PDXK: variants seen among roughly 807,000 people sequenced by gnomAD.
PDXK encodes epididymis secretory sperm binding protein Li 1a.
In PDXK, 15 loss-of-function variants were observed where a neutral mutation model predicts 43.2. That is an observed-to-expected ratio of 0.35 (90% CI 0.23 to 0.53). The LOEUF is 0.53. PDXK is among the 20% of genes least tolerant of loss of function. The pLI is 0.92. For missense variants in PDXK, 343 were observed against 417.0 expected, an observed-to-expected ratio of 0.82 and a Z score of 1.54; for synonymous variants, 172 against 165.4, an observed-to-expected ratio of 1.04 and a Z score of -0.31.
In PDXK at chr21:43,741,679, G is replaced by A. The variant is rs1368743180; in HGVS notation, c.155G>A (p.Trp52Ter). 2 of 1,612,496 alleles carry A rather than the reference G, an allele frequency of 1.2e-6. No homozygotes were observed. The highest frequency in any genetic ancestry group is 1.7e-5 in the Admixed American group (1 of 59,940). Residue 52 changes from tryptophan (W) to a stop codon, truncating the protein, a stop_gained, in exon 3 of 11, where the codon TGG (tryptophan) becomes TAG (stop). Coordinates refer to ENST00000291565, the MANE Select transcript of PDXK (RefSeq NM_003681.5). LOFTEE classifies it high-confidence loss of function. ...CCTCTGCCTCTAGGCTATGCCCACT[G>A]GAAGGGCCAAGTGCTGAATTCAGAT... ...QFSNHTGYAHWKGQVLNSDEL... is the reference protein window; with the variant it reads ...QFSNHTGYAH
Position 43,761,255 on chromosome 21 carries a change from C to A in PDXK, c.*5192C>A, listed in dbSNP as rs898998872. ...GGGAACAGCACCCCCAAATGCCAGC[C>A]TCTCCTTTCTTCCCATCCACCAGTA... On this transcript the variant is annotated 3_prime_UTR_variant, in exon 11 of 11. Coordinates refer to ENST00000291565, the MANE Select transcript of PDXK (RefSeq NM_003681.5). 6.6e-6 allele frequency: 1 copy of A among 152,272 alleles called. No homozygotes were observed. Among genetic ancestry groups the A allele is most frequent in the African/African-American group, 2.4e-5 (1 of 41,442 alleles). The allele number at this position is 152,272 out of a possible 1,614,324, so 9.4% of individuals were successfully genotyped here.
rs1405347692 is a variant in PDXK at position 43,723,194 on chromosome 21, G to A, written c.87+3813G>A. Among the ~76,000 whole-genome samples, 2 of 144,690 alleles carry A rather than the reference G, an allele frequency of 1.4e-5. No homozygotes were observed. Among genetic ancestry groups the A allele is most frequent in the African/African-American group, 5.2e-5 (2 of 38,438 alleles). 94.9% of individuals were successfully genotyped at this position (144,690 alleles called of 152,430 possible). The stretch of plus-strand genomic sequence containing the variant: ...TTTGAGACGAGGGTCTCACTCTGTC[G>A]CTCAGGCTGAAGTACAATGGAGCGA... On this transcript the variant is annotated intron_variant, in intron 1 of 10. Coordinates refer to ENST00000291565, the MANE Select transcript of PDXK (RefSeq NM_003681.5). This position sits in a 1 kb window ranked among gnomAD's most constrained non-coding sequence, Gnocchi z 4.1.
intron 4 of PDXK, 89 bp downstream of exon 4, chr21:43,743,896 C>A: frequency 1.2e-6 from 1 of 834,696 alleles, no homozygotes; most frequent in Non-Finnish European, 2.0e-6. Flanking sequence ...TCTTAGCCTC[C>A]TTCCTCCTCT....
rs117861720 is a variant in PDXK at position 43,746,110 on chromosome 21, C to T, written c.363C>T (p.Asp121=). 2.4e-5 allele frequency: 38 copies of T among 1,613,290 alleles called. No homozygotes were observed. The highest frequency in any genetic ancestry group is 9.3e-5 in the African/African-American group (7 of 74,992). ...VCDPVLGDKW[D]GEGSMYVPED... ...ATCCAGTCTTGGGTGACAAGTGGGA[C>T]GGCGAAGGCTCGATGGTGAGTAGTT... The change falls in exon 5 of 11, where the codon GAC becomes GAT. Residue 121 remains aspartate, a synonymous_variant. Coordinates refer to ENST00000291565, the MANE Select transcript of PDXK (RefSeq NM_003681.5).
intron 1 of PDXK, among the ~76,000 whole-genome samples, chr21:43,726,945 G>A (rs569746017): frequency 3.9e-5 from 6 of 152,054 alleles, no homozygotes; most frequent in Non-Finnish European, 8.8e-5. Context: ...TGTGCATGGC[G>A]TGTGTGCACA....
chr21:43,724,928 G>A (rs566074517), intron 1 of PDXK, among the ~76,000 whole-genome samples: 1 of 152,124 alleles, frequency 6.6e-6, no homozygotes, highest in East Asian at 1.9e-4. Flanking sequence ...GATGCACTAG[G>A]TAGACCCTGT....
chr21:43,722,578 T>C (rs1379557641), intron 1 of PDXK, among the ~76,000 whole-genome samples: 1 of 152,048 alleles, frequency 6.6e-6, no homozygotes, highest in Non-Finnish European at 1.5e-5. Flanking sequence ...CCTCTCATAG[T>C]CTGGGGGCCA....
chr21:43,744,422 G>A (rs1388497919), intron 4 of PDXK: 2 of 159,590 alleles, frequency 1.3e-5, no homozygotes. Context: ...CAGGAGGACA[G>A]GCCTGGCCTA....
chr21:43,748,722 TCTC>T (rs1020019918), intron 5 of PDXK, among the ~76,000 whole-genome samples: 1 of 151,828 alleles, frequency 6.6e-6, no homozygotes, highest in Non-Finnish European at 1.5e-5. Flanking sequence ...TTCACCTCCT[TCTC>T]CTCCCAGACA....
Position 43,719,350 on chromosome 21 carries a change from T to G in PDXK, c.56T>G (p.Val19Gly). The G allele has an allele frequency of 6.6e-7, 1 of 1,526,604 alleles. No individual in the cohort carries two copies. The highest frequency in any genetic ancestry group is 8.8e-7 in the Non-Finnish European group (1 of 1,138,234). The allele number at this position is 1,526,604 out of a possible 1,614,324, so 94.6% of individuals were successfully genotyped here. Residue 19 changes from valine (V) to glycine (G), a missense_variant, in exon 1 of 11, where the codon GTG becomes GGG. Transcript: ENST00000291565. The part of the protein sequence containing the change: ...SIQSHVIRGY[V>G]GNRAATFPLQ... ...CAGAGCCACGTCATCCGCGGCTACG[T>G]GGGCAACCGGGCGGCCACGTTCCCG...
Position 43,752,615 on chromosome 21 carries a change from G to C in PDXK, c.608G>C (p.Gly203Ala). Residue 203 changes from glycine (G) to alanine (A), a missense_variant, in exon 8 of 11, where the codon GGG (glycine) becomes GCG (alanine). Physicochemically the swap from Gly to Ala is moderately conservative, Grantham distance 60. Coordinates refer to ENST00000291565, the MANE Select transcript of PDXK (RefSeq NM_003681.5). Reference protein sequence around the residue: ...PQGSNYLIVLGSQRRRNPAGS... With the variant: ...PQGSNYLIVLASQRRRNPAGS... ...GGCAGCAACTACCTGATTGTGCTGG[G>C]GAGTCAGAGGAGGAGTAAGTGCCCC... The C allele has an allele frequency of 1.2e-6, 2 of 1,607,864 alleles. No homozygotes were observed. The highest frequency in any genetic ancestry group is 1.7e-6 in the Non-Finnish European group (2 of 1,175,004).
chr21:43,733,253 A>ACCCCCCCCCCCCCCCCCCC (rs1226314950), intron 1 of PDXK, among the ~76,000 whole-genome samples: 6 of 56,164 alleles, frequency 1.1e-4, no homozygotes, highest in Admixed American at 2.2e-4. Flanking sequence ...CCCCATCCCC[A>ACCCCCCCCCCCCCCCCCCC]CCCCCCCCCC....
chr21:43,731,207 C>T (rs1371455823), intron 1 of PDXK, among the ~76,000 whole-genome samples: 1 of 152,144 alleles, frequency 6.6e-6, no homozygotes, highest in African/African-American at 2.4e-5. Flanking sequence ...ATCGCGTGGC[C>T]CAATCCATCT....
At chr21:43,755,477 G>A in intron 9 of PDXK, 2 of 582,054 alleles carry the variant, frequency 3.4e-6, no homozygotes, top group South Asian at 4.0e-5. Flanking sequence ...TCCAGAGCAG[G>A]TAGCTGGGAC....
intron 1 of PDXK, among the ~76,000 whole-genome samples, chr21:43,728,400 G>A (rs998173333): frequency 1.3e-5 from 2 of 152,188 alleles, no homozygotes; most frequent in Non-Finnish European, 2.9e-5. Context: ...GGGTTCTGCT[G>A]GGTGGGTGGC....
At chr21:43,741,956 C>G (rs1432047744) in intron 3 of PDXK, among the ~76,000 whole-genome samples, 185 bp downstream of exon 3, 2 of 152,090 alleles carry the variant, frequency 1.3e-5, no homozygotes, top group Non-Finnish European at 2.9e-5. Flanking sequence ...CCACACTATG[C>G]CTGCCGGGAC....
At chr21:43,746,297 A>G (rs1262146484) in intron 5 of PDXK, among the ~76,000 whole-genome samples, 172 bp downstream of exon 5, 1 of 152,216 alleles carries the variant, frequency 6.6e-6, no homozygotes, top group Non-Finnish European at 1.5e-5. Flanking sequence ...TTTTCTGTAA[A>G]GTGCCTGACG....
At chr21:43,750,663 T>C in intron 7 of PDXK, 118 bp downstream of exon 7, 1 of 734,364 alleles carries the variant, frequency 1.4e-6, no homozygotes, top group South Asian at 1.8e-5. Flanking sequence ...CTGAACAGTC[T>C]GTACCAGTCG....
At chr21:43,736,173 C>T (rs1449651271) in intron 2 of PDXK, among the ~76,000 whole-genome samples, 2 of 152,002 alleles carry the variant, frequency 1.3e-5, no homozygotes, top group African/African-American at 4.8e-5. Flanking sequence ...GCTAGAGGTG[C>T]TTATTTTTCA....
Sources: gnomAD v4.1 joint callset for allele counts (sites outside exome capture counted in the v4.1 genomes callset) on GRCh38, gnomAD v4.1.1 for gene constraint, Gnocchi (gnomAD v3.1) non-coding constraint, MANE v1.5 for transcripts, NCBI Gene and HGNC (gene_info 2026-07-23, HGNC 2026-07-21) for gene names.